The following CHTF8 variants were observed in gnomAD, a reference collection of about 807,000 sequenced individuals.
The protein encoded by CHTF8 is chromosome transmission fidelity factor 8, also known as chromosome transmission fidelity protein 8 homolog.
A neutral mutation model predicts 11.0 loss-of-function variants in CHTF8; 6 were observed. That is an observed-to-expected ratio of 0.55 (90% CI 0.30 to 1.08). The LOEUF is 1.08. Among genes scored for constraint, CHTF8 ranks in the 50% least tolerant of loss-of-function variants. CHTF8 has a pLI of 0.07. For synonymous variants in CHTF8, 53 were observed against 60.5 expected (o/e 0.88, Z 0.57); for missense variants, 140 against 153.1 (o/e 0.91, Z 0.45).
chr16:69,119,621 G>C lies in CHTF8; in HGVS notation c.*804C>G, dbSNP rs199824719. 1 of 692,108 alleles carries C rather than the reference G, an allele frequency of 1.4e-6. No homozygotes were observed. The highest frequency in any genetic ancestry group is 2.7e-5 in the East Asian group (1 of 37,092). 42.9% of individuals were successfully genotyped at this position (692,108 alleles called of 1,614,324 possible). A position where few individuals can be genotyped will look rare whatever the true frequency, so the allele number is the denominator to read the frequency against. ...ATGGGGGCAAGATCGAGGCCTTGAGGTCCAGCCATTCTTAAGTTAAGACCA... is the reference window on the plus strand; with the variant it reads ...ATGGGGGCAAGATCGAGGCCTTGAGCTCCAGCCATTCTTAAGTTAAGACCA... On this transcript the variant is annotated 3_prime_UTR_variant, in exon 4 of 4. Transcript: ENST00000448552.
chr16:69,120,526 C>T lies in CHTF8; in HGVS notation c.265G>A (p.Glu89Lys), dbSNP rs767899950. The change falls in exon 4 of 4, where the codon GAG becomes AAG. Residue 89 changes from glutamate to lysine, a missense_variant. Glu to Lys is a moderately conservative substitution (Grantham distance 56). Coordinates refer to ENST00000448552, the MANE Select transcript of CHTF8 (RefSeq NM_001039690.5). The surrounding 1 kb of genome is among the most constrained non-coding windows in gnomAD (Gnocchi z 4.0). ...GDQDCDELGR[E>K]TGTRYLVTAL... ...GTCACCAGGTACCGGGTGCCAGTCT[C>T]GCGGCCAAGCTCATCACAGTCCTGA... The T allele has an allele frequency of 4.3e-6, 7 of 1,613,988 alleles. No individual in the cohort carries two copies. The highest frequency in any genetic ancestry group is 1.6e-4 in the Middle Eastern group (1 of 6,084).
intron 1 of CHTF8, among the ~76,000 whole-genome samples, chr16:69,124,823 A>C (rs1034414201): frequency 6.6e-6 from 1 of 152,114 alleles, no homozygotes; most frequent in Non-Finnish European, 1.5e-5. Context: ...CTGGTATGTT[A>C]ATCTTCCTTT....
intron 1 of CHTF8, among the ~76,000 whole-genome samples, chr16:69,129,961 C>T (rs1962375082): frequency 6.6e-6 from 1 of 152,212 alleles, no homozygotes; most frequent in Non-Finnish European, 1.5e-5. Flanking sequence ...CTCAATGCCA[C>T]CTCTAGGACG....
intron 1 of CHTF8, among the ~76,000 whole-genome samples, chr16:69,128,000 C>T (rs763459236): frequency 6.6e-5 from 10 of 151,342 alleles, no homozygotes; most frequent in Non-Finnish European, 7.4e-5. Flanking sequence ...CTGCAACCTC[C>T]GCTGCCCAGG....
chr16:69,122,974 C>T (rs555501447), intron 1 of CHTF8, among the ~76,000 whole-genome samples: 30 of 152,228 alleles, frequency 2.0e-4, no homozygotes, highest in African/African-American at 7.0e-4. Flanking sequence ...CCACCACACC[C>T]GGCCTTGATC....
intron 1 of CHTF8, among the ~76,000 whole-genome samples, chr16:69,129,968 G>A (rs1463040925): frequency 9.9e-5 from 15 of 152,176 alleles, no homozygotes. Flanking sequence ...CCACCTCTAG[G>A]ACGCAAAGCT....
intron 1 of CHTF8, among the ~76,000 whole-genome samples, chr16:69,125,879 G>GA (rs1229099027): frequency 2.0e-5 from 3 of 152,308 alleles, no homozygotes; most frequent in African/African-American, 7.2e-5. Context: ...TATGTCCTAT[G>GA]AAACTATTGC....
At chr16:69,126,629 G>A (rs549559309) in intron 1 of CHTF8, among the ~76,000 whole-genome samples, 14 of 152,308 alleles carry the variant, frequency 9.2e-5, no homozygotes, top group Non-Finnish European at 1.3e-4. Context: ...AATGAAGTTC[G>A]AGCCCAGCTT....
At chr16:69,127,710 A>C (rs982407458) in intron 1 of CHTF8, among the ~76,000 whole-genome samples, 67 of 147,892 alleles carry the variant, frequency 4.5e-4, no homozygotes, top group Non-Finnish European at 8.6e-4. Flanking sequence ...CCCAGGTTCA[A>C]GTGATTCTCC....
intron 1 of CHTF8, among the ~76,000 whole-genome samples, chr16:69,131,061 T>C (rs562069104): frequency 6.6e-6 from 1 of 152,338 alleles, no homozygotes; most frequent in South Asian, 2.1e-4. Context: ...GGGACAGGTC[T>C]ATACTTTTGA....
chr16:69,128,201 C>T (rs1007338405), intron 1 of CHTF8, among the ~76,000 whole-genome samples: 1 of 152,244 alleles, frequency 6.6e-6, no homozygotes, highest in Non-Finnish European at 1.5e-5. Context: ...GCGTGAACCA[C>T]AGCGCCCGGC....
At chr16:69,121,197 A>G (rs751019271) in intron 2 of CHTF8, 27 bp from the exon 3 acceptor site, 13 of 1,599,108 alleles carry the variant, frequency 8.1e-6, no homozygotes, top group Non-Finnish European at 1.0e-5. Context: ...GGCGGTTACA[A>G]TATTTTTGAG....
At chr16:69,121,209 G>A (rs756442040) in intron 2 of CHTF8, 39 bp from the exon 3 acceptor site, 10 of 1,570,188 alleles carry the variant, frequency 6.4e-6, no homozygotes, top group Non-Finnish European at 6.1e-6. Context: ...ATTTTTGAGG[G>A]GTGAAGGATG....
intron 1 of CHTF8, among the ~76,000 whole-genome samples, chr16:69,127,163 G>A (rs528952925): frequency 1.3e-5 from 2 of 151,950 alleles, no homozygotes; most frequent in African/African-American, 4.8e-5. Flanking sequence ...GCTTGAACCT[G>A]GGAGGCGGAG....
At chr16:69,125,179 C>T (rs1014787913) in intron 1 of CHTF8, among the ~76,000 whole-genome samples, 1 of 152,174 alleles carries the variant, frequency 6.6e-6, no homozygotes, top group Non-Finnish European at 1.5e-5. Context: ...ACTGAGATTA[C>T]AGGCTTGAGT....
chr16:69,125,154 T>C (rs937833997), intron 1 of CHTF8, among the ~76,000 whole-genome samples: 5 of 152,154 alleles, frequency 3.3e-5, no homozygotes, highest in Non-Finnish European at 7.4e-5. Context: ...TACGCCCGCG[T>C]TGCCCTCCAA....
chr16:69,127,252 A>C (rs963825663), intron 1 of CHTF8, among the ~76,000 whole-genome samples: 5 of 152,000 alleles, frequency 3.3e-5, no homozygotes, highest in African/African-American at 1.2e-4. Context: ...AAAAAAAAAA[A>C]AGCATATGAG....
chr16:69,124,916 T>A (rs979665623), intron 1 of CHTF8, among the ~76,000 whole-genome samples: 69 of 151,966 alleles, frequency 4.5e-4, no homozygotes, highest in Non-Finnish European at 8.7e-4. Context: ...TCACTAGACT[T>A]TTTTTGAGAC....
At chr16:69,126,701 C>A (rs181996072) in intron 1 of CHTF8, among the ~76,000 whole-genome samples, 44 of 152,332 alleles carry the variant, frequency 2.9e-4, no homozygotes, top group African/African-American at 1.0e-3. Flanking sequence ...AATTTATACG[C>A]ACGTGGGTGT....
Sources: allele counts gnomAD v4.1 joint callset (sites outside exome capture counted in the v4.1 genomes callset), GRCh38; gene constraint gnomAD v4.1.1; non-coding constraint Gnocchi (gnomAD v3.1); transcripts MANE v1.5; gene names NCBI Gene and HGNC (gene_info 2026-07-23, HGNC 2026-07-21).